Variants in KLHL29 observed in about 807,000 individuals in gnomAD.
KLHL29 encodes the protein kelch like family member 29, also known as kelch-like protein 29.
KLHL29 carries 21 observed loss-of-function variants against 80.4 expected under a neutral mutation model. The observed-to-expected ratio is 0.26, with a 90% CI of 0.19 to 0.38. The LOEUF is 0.38. Among genes scored for constraint, KLHL29 ranks in the 10% least tolerant of loss-of-function variants. The probability of loss-of-function intolerance (pLI) is 1.00; values close to 1 mark genes in which losing one functional copy is unlikely to be tolerated. For missense variants in KLHL29, 867 were observed against 1,223.9 expected (o/e 0.71, Z 4.35); for synonymous variants, 511 against 526.8 (o/e 0.97, Z 0.41).
At position 23,696,247 on chromosome 2, in the gene KLHL29, C is replaced by A; in HGVS notation, c.1925-86C>A. On this transcript the variant is annotated intron_variant, in intron 10 of 13. Transcript: ENST00000486442. This position sits in a 1 kb window ranked among gnomAD's most constrained non-coding sequence, Gnocchi z 5.5. ...AGAAGTGTCTACTTTGCAGGTGAAG[C>A]CTTCCTCTGCCCCTGGGGCTGGGCC... The A allele has an allele frequency of 6.7e-7, 1 of 1,482,796 alleles. No individual in the cohort carries two copies. Among genetic ancestry groups the A allele is most frequent in the Non-Finnish European group, 9.2e-7 (1 of 1,092,176 alleles). 91.9% of individuals were successfully genotyped at this position (1,482,796 alleles called of 1,614,324 possible).
At chr2:23,477,854 G>A (rs913050618) in intron 2 of KLHL29, among the ~76,000 whole-genome samples, 3 of 152,200 alleles carry the variant, frequency 2.0e-5, no homozygotes, top group African/African-American at 4.8e-5. Context: ...CAAGAGTGAA[G>A]GGAACAGAGA....
chr2:23,694,252 G>T (rs145648138), intron 8 of KLHL29, among the ~76,000 whole-genome samples: 1 of 152,184 alleles, frequency 6.6e-6, no homozygotes, highest in Non-Finnish European at 1.5e-5. Context: ...AGCGATGCCT[G>T]GTCCCCAGAA....
Position 23,650,353 on chromosome 2 carries a change from TCA to T in KLHL29, c.940+7517_940+7518del, listed in dbSNP as rs71402503. Among the ~76,000 whole-genome samples, 1,225 of 151,144 alleles carry T rather than the reference TCA, an allele frequency of 8.1e-3. 9 individuals carry two copies. The highest frequency in any genetic ancestry group is 0.01 in the Non-Finnish European group (708 of 67,620). ...TCCAATAGATCCATCTATCATAGAG[TCA>T]CACACACACACACGTGTGCACACAG... On this transcript the variant is annotated intron_variant, in intron 5 of 13. Transcript: ENST00000486442.
chr2:23,477,731 C>T (rs773931763), intron 2 of KLHL29, among the ~76,000 whole-genome samples: 10 of 152,226 alleles, frequency 6.6e-5, no homozygotes, highest in South Asian at 4.1e-4. Context: ...AACAAGACAG[C>T]GCAGCGTCAG....
chr2:23,423,810 A>G (rs958930759), intron 1 of KLHL29, among the ~76,000 whole-genome samples: 1 of 152,148 alleles, frequency 6.6e-6, no homozygotes, highest in African/African-American at 2.4e-5. Context: ...CCCCAGCACA[A>G]CGATGTGTCC....
intron 5 of KLHL29, among the ~76,000 whole-genome samples, chr2:23,656,933 A>G (rs1296122275): frequency 1.6e-4 from 11 of 69,412 alleles, no homozygotes; most frequent in Admixed American, 2.7e-4. Context: ...CCCCAACAGG[A>G]AAAAAAAAAA....
chr2:23,469,080 C>T (rs554174598), intron 1 of KLHL29, among the ~76,000 whole-genome samples: 1 of 152,338 alleles, frequency 6.6e-6, no homozygotes, highest in South Asian at 2.1e-4. Flanking sequence ...CTCCACAAGA[C>T]TCCAGTCAAG....
At chr2:23,548,396 C>T (rs539581900) in intron 2 of KLHL29, among the ~76,000 whole-genome samples, 41 of 152,148 alleles carry the variant, frequency 2.7e-4, no homozygotes, top group African/African-American at 9.4e-4. Flanking sequence ...CACACATGCA[C>T]GCACCCTCTT....
chr2:23,696,226 G>A lies in KLHL29; in HGVS notation c.1924+93G>A. ...GGCTGAGGAAGGCCATGGCCCAGAA[G>A]TGTCTACTTTGCAGGTGAAGCCTTC... On this transcript the variant is annotated intron_variant, in intron 10 of 13. Coordinates refer to ENST00000486442, the MANE Select transcript of KLHL29 (RefSeq NM_052920.2). This position sits in a 1 kb window ranked among gnomAD's most constrained non-coding sequence, Gnocchi z 5.5. The A allele has an allele frequency of 1.3e-6, 2 of 1,492,768 alleles. No individual in the cohort carries two copies. Among genetic ancestry groups the A allele is most frequent in the South Asian group, 2.5e-5 (2 of 79,128 alleles). The allele number at this position is 1,492,768 out of a possible 1,614,324, so 92.5% of individuals were successfully genotyped here.
chr2:23,650,155 G>A (rs1274530012), intron 5 of KLHL29, among the ~76,000 whole-genome samples: 1 of 152,230 alleles, frequency 6.6e-6, no homozygotes, highest in African/African-American at 2.4e-5. Flanking sequence ...AGTCTGCCCT[G>A]GGGGAGCTGG....
At chr2:23,705,160 C>T (rs1672637720) in intron 13 of KLHL29, among the ~76,000 whole-genome samples, 1 of 152,240 alleles carries the variant, frequency 6.6e-6, no homozygotes. Context: ...CATTGCGCTC[C>T]ACTTGGGAGG....
At chr2:23,598,422 T>C (rs57453445) in intron 3 of KLHL29, among the ~76,000 whole-genome samples, 1,730 of 152,284 alleles carry the variant, frequency 0.011, 36 homozygotes, top group African/African-American at 0.04. Flanking sequence ...ATGATATTCA[T>C]TGTACTGCAT....
At chr2:23,421,524 T>TTGTG (rs57348539) in intron 1 of KLHL29, among the ~76,000 whole-genome samples, 3,678 of 143,474 alleles carry the variant, frequency 0.026, 54 homozygotes, top group South Asian at 0.042. Context: ...TTAGACAAGA[T>TTGTG]TGTGTGTGTG....
chr2:23,547,679 C>G (rs190730392), intron 2 of KLHL29, among the ~76,000 whole-genome samples: 1 of 152,014 alleles, frequency 6.6e-6, no homozygotes, highest in Non-Finnish European at 1.5e-5. Flanking sequence ...CCGCCTCCCC[C>G]GAGAAAAACC....
chr2:23,657,485 T>C (rs971883962), intron 5 of KLHL29, among the ~76,000 whole-genome samples: 1 of 152,242 alleles, frequency 6.6e-6, no homozygotes, highest in Non-Finnish European at 1.5e-5. Context: ...GCAGTCTGTA[T>C]ATATTGCTAA....
rs1366417217 is a variant in KLHL29, at chr2:23,507,090, C to T, written c.-46+31423C>T. ...TCTAATCAAAGTTTGAAGGCAGCCG[C>T]ATTTCCTCAGGCTCAACATCGCTGC... On this transcript the variant is annotated intron_variant, in intron 2 of 13. Transcript: ENST00000486442. The T allele has an allele frequency of 1.3e-5, 6 of 445,988 alleles. 1 individual carries two copies. In the Admixed American group the frequency reaches 1.4e-4, roughly 11 times the overall value. 27.6% of individuals were successfully genotyped at this position (445,988 alleles called of 1,614,324 possible).
Position 23,422,099 on chromosome 2 carries a change from TGTGTGA to T in KLHL29, c.-154+36325_-154+36330del, listed in dbSNP as rs1480485820. Reference sequence around the variant, plus strand: ...TGTCTCCCTTTGCTGTCTGTATGTTTGTGTGAGTGTGTCAGTATGGGTGGGTCTTTG... The same window carrying T: ...TGTCTCCCTTTGCTGTCTGTATGTTTGTGTGTCAGTATGGGTGGGTCTTTG... On this transcript the variant is annotated intron_variant, in intron 1 of 13. Transcript: ENST00000486442. 1.4e-4 allele frequency among the ~76,000 whole-genome samples: 22 copies of T among 151,946 alleles called. No individual in the cohort carries two copies. The East Asian group carries it at 2.9e-3, about 20-fold the overall frequency.
intron 5 of KLHL29, among the ~76,000 whole-genome samples, chr2:23,679,963 C>G (rs1050931993): frequency 6.6e-6 from 1 of 152,126 alleles, no homozygotes; most frequent in South Asian, 2.1e-4. Context: ...CGCTGGGGAG[C>G]AAAGGGTCCC....
intron 2 of KLHL29, among the ~76,000 whole-genome samples, chr2:23,542,774 C>T (rs947834385): frequency 6.6e-6 from 1 of 152,168 alleles, no homozygotes. Flanking sequence ...GGGAGTTGAA[C>T]CTGGAAGATG....
Sources: gnomAD v4.1 joint callset for allele counts (sites outside exome capture counted in the v4.1 genomes callset) on GRCh38, gnomAD v4.1.1 for gene constraint, Gnocchi (gnomAD v3.1) non-coding constraint, MANE v1.5 for transcripts, NCBI Gene and HGNC (gene_info 2026-07-23, HGNC 2026-07-21) for gene names.